The following CFAP126 variants were observed in gnomAD, a reference collection of about 807,000 sequenced individuals.
CFAP126 encodes cilia and flagella associated protein 126.
Under a neutral mutation model 17.1 loss-of-function variants are expected in CFAP126, and 21 were observed. The observed-to-expected ratio is 1.23, with a 90% CI of 0.87 to 1.77. The LOEUF (loss-of-function observed/expected upper bound fraction) is 1.77, where lower values mean the gene tolerates loss of function less well. Ranked by LOEUF, CFAP126 falls within the 40% of genes most tolerant of loss-of-function variation. CFAP126 has a pLI of 0.00. For missense variants in CFAP126, 174 were observed against 215.4 expected, an observed-to-expected ratio of 0.81 and a Z score of 1.20; for synonymous variants, 65 against 73.5, an observed-to-expected ratio of 0.88 and a Z score of 0.59.
rs189889883 is a variant in CFAP126 at position 161,366,618 on chromosome 1, T to C, written c.28-117A>G. 1,088 of 896,134 alleles carry C rather than the reference T, an allele frequency of 1.2e-3. 15 individuals carry two copies. The Admixed American group carries it at 0.018, about 15-fold the overall frequency. 55.5% of individuals were successfully genotyped at this position (896,134 alleles called of 1,614,324 possible). On this transcript the variant is annotated intron_variant, in intron 1 of 4. Coordinates refer to ENST00000367974, the MANE Select transcript of CFAP126 (RefSeq NM_001013625.4). ...AAAGGCCTGACCAACCATGTAGGCT[T>C]TAAGTCACTATGACAAGGGTGTAAT...
rs200300839 is a variant in CFAP126 at position 161,366,528 on chromosome 1, A to G, written c.28-27T>C. On this transcript the variant is annotated intron_variant, in intron 1 of 4. Coordinates refer to ENST00000367974, the MANE Select transcript of CFAP126 (RefSeq NM_001013625.4). The stretch of plus-strand genomic sequence containing the variant: ...TGTGGAGAGAAAGATAAGTAGCCCT[A>G]TGAGACTTCAAGGCCCCAAACCCAG... 7.5e-6 allele frequency: 12 copies of G among 1,606,914 alleles called. No homozygotes were observed. The African/African-American group carries it at 1.3e-4, about 18-fold the overall frequency.
chr1:161,365,345 G>A (rs1042262974), intron 4 of CFAP126, 181 bp downstream of exon 4: 2 of 894,638 alleles, frequency 2.2e-6, no homozygotes, highest in Admixed American at 2.5e-5. Flanking sequence ...TACTGTTGGG[G>A]GTATGATGTC....
intron 3 of CFAP126, 72 bp from the exon 4 acceptor site, chr1:161,365,774 C>T (rs899222096): frequency 3.8e-6 from 5 of 1,304,138 alleles, no homozygotes; most frequent in South Asian, 2.9e-5. Context: ...TGTATTATTT[C>T]CTTTCTTTAC....
Position 161,366,499 on chromosome 1 carries a change from A to T in CFAP126, c.30T>A (p.Tyr10Ter), listed in dbSNP as rs78888650. The T allele has an allele frequency of 1.9e-6, 3 of 1,613,998 alleles. No homozygotes were observed. In the South Asian group the frequency reaches 3.3e-5, roughly 18 times the overall value. ...GATACTTGGATGAGAAAGCCTTTTC[A>T]TACTGTGGAGAGAAAGATAAGTAGC... Reference protein sequence around the residue: MATNYSANQYEKAFSSKYLQ... With the variant: MATNYSANQ Residue 10 changes from tyrosine (Y) to a stop codon, truncating the protein, a stop_gained and splice_region_variant, in exon 2 of 5, where the codon TAT becomes TAA. Transcript: ENST00000367974. LOFTEE classifies it high-confidence loss of function.
intron 4 of CFAP126, 134 bp from the exon 5 acceptor site, chr1:161,365,284 A>C (rs1295175031): frequency 9.6e-7 from 1 of 1,044,208 alleles, no homozygotes; most frequent in African/African-American, 1.6e-5. Flanking sequence ...AAGAAAAGTT[A>C]AATTTGATTT....
rs1051779187 is a variant in CFAP126 at position 161,365,063 on chromosome 1, T to A, written c.436A>T (p.Ser146Cys). 4 of 1,614,122 alleles carry A rather than the reference T, an allele frequency of 2.5e-6. No individual in the cohort carries two copies. The African/African-American group carries it at 4.0e-5, about 16-fold the overall frequency. ...QQARSPTIIP[S>C]SPAANLNSPD... ...GAATTGAGGTTGGCAGCTGGGGAGC[T>A]TGGAATTATGGTTGGACTTCGTGCT... The change falls in exon 5 of 5, where the codon AGC becomes TGC. Residue 146 changes from serine to cysteine, a missense_variant. Transcript: ENST00000367974.
Position 161,366,504 on chromosome 1 carries a change from G to A in CFAP126, c.28-3C>T, listed in dbSNP as rs776003617. The A allele has an allele frequency of 6.2e-7, 1 of 1,613,630 alleles. No individual in the cohort carries two copies. The highest frequency in any genetic ancestry group is 1.3e-5 in the African/African-American group (1 of 75,028). ...TTGGATGAGAAAGCCTTTTCATACT[G>A]TGGAGAGAAAGATAAGTAGCCCTAT... On this transcript the variant is annotated splice_region_variant and splice_polypyrimidine_tract_variant and intron_variant, in intron 1 of 4. Coordinates refer to ENST00000367974, the MANE Select transcript of CFAP126 (RefSeq NM_001013625.4).
rs1304023808 is a variant in CFAP126 at position 161,366,291 on chromosome 1, T to A, written c.91-13A>T. On this transcript the variant is annotated splice_polypyrimidine_tract_variant and intron_variant, in intron 2 of 4. Transcript: ENST00000367974. Reference sequence around the variant, plus strand: ...GAGAAGAGATGCTCTGGGGTACAAGTGGGAGAGATAAAGGTTTGTGAGGGG... The same window carrying A: ...GAGAAGAGATGCTCTGGGGTACAAGAGGGAGAGATAAAGGTTTGTGAGGGG... 6.2e-7 allele frequency: 1 copy of A among 1,609,132 alleles called. No homozygotes were observed. The highest frequency in any genetic ancestry group is 1.1e-5 in the South Asian group (1 of 90,954).
chr1:161,365,833 A>G, intron 3 of CFAP126, 131 bp from the exon 4 acceptor site: 1 of 884,364 alleles, frequency 1.1e-6, no homozygotes, highest in Non-Finnish European at 1.7e-6. Context: ...TAATCTTCCC[A>G]CCCTTCCTTA....
In CFAP126 at chr1:161,365,108, T is replaced by C. The variant is rs776561371; in HGVS notation, c.391A>G (p.Ile131Val). ...DSQKKLRKKSITKTVQQARSP... is the reference protein window; with the variant it reads ...DSQKKLRKKSVTKTVQQARSP... ...CGTGCTTGTTGTACAGTCTTTGTGATAGACTTCTTTCTGAGTTTCTTCTGA... is the reference window on the plus strand; with the variant it reads ...CGTGCTTGTTGTACAGTCTTTGTGACAGACTTCTTTCTGAGTTTCTTCTGA... The change falls in exon 5 of 5, where the codon ATC (isoleucine) becomes GTC (valine). Residue 131 changes from isoleucine (I) to valine (V), a missense_variant. Coordinates refer to ENST00000367974, the MANE Select transcript of CFAP126 (RefSeq NM_001013625.4). 2 of 1,614,178 alleles carry C rather than the reference T, an allele frequency of 1.2e-6. No homozygotes were observed. Among genetic ancestry groups the C allele is most frequent in the Admixed American group, 3.3e-5 (2 of 60,028 alleles).
Position 161,367,853 on chromosome 1 carries a change from T to C in CFAP126, c.16A>G (p.Ser6Gly). Residue 6 changes from serine to glycine, a missense_variant, in exon 1 of 5, where the codon AGT becomes GGT. By Grantham distance (56) the Ser-to-Gly change is moderately conservative. Transcript: ENST00000367974. ...GAATGGGAACTTACCTGGTTGGCAC[T>C]GTAGTTAGTGGCCATGATCTTGTGC... is the stretch of plus-strand genomic sequence containing the variant. MATNYSANQYEKAFSS... is the reference protein window; with the variant it reads MATNYGANQYEKAFSS... 1 of 1,614,086 alleles carries C rather than the reference T, an allele frequency of 6.2e-7. No individual in the cohort carries two copies. Among genetic ancestry groups the C allele is most frequent in the Non-Finnish European group, 8.5e-7 (1 of 1,179,928 alleles).
chr1:161,365,353 G>T, intron 4 of CFAP126, 173 bp downstream of exon 4: 1 of 918,256 alleles, frequency 1.1e-6, no homozygotes, highest in Non-Finnish European at 1.7e-6. Flanking sequence ...GGGGTATGAT[G>T]TCCTTAGCCC....
At chr1:161,367,248 G>C (rs4585997) in intron 1 of CFAP126, 17,831 of 151,984 alleles carry the variant, frequency 0.12, 1,421 homozygotes, top group African/African-American at 0.22. Context: ...ACATTTGTGG[G>C]TCGCACTCTT....
Position 161,365,992 on chromosome 1 carries a change from T to C in CFAP126, c.171+206A>G, listed in dbSNP as rs1672716994. 5 of 617,130 alleles carry C rather than the reference T, an allele frequency of 8.1e-6. No individual in the cohort carries two copies. In the Admixed American group the frequency reaches 1.2e-4, roughly 14 times the overall value. The allele number at this position is 617,130 out of a possible 1,614,324, so 38.2% of individuals were successfully genotyped here. A position where few individuals can be genotyped will look rare whatever the true frequency, so the allele number is the denominator to read the frequency against. On this transcript the variant is annotated intron_variant, in intron 3 of 4. Transcript: ENST00000367974. ...TGAAGGCTTTCATTTATACAGATCA[T>C]TGATCAATTTAAGAACTTCTGAAGG... is the stretch of plus-strand genomic sequence containing the variant.
In CFAP126 at chr1:161,364,960, G is replaced by T; in HGVS notation, c.*5C>A. Reference sequence around the variant, plus strand: ...TCTAGCATACGTGGACTTCCAGGTGGGCTCTTAGGATTTGGCTGGTCTTTG... The same window carrying T: ...TCTAGCATACGTGGACTTCCAGGTGTGCTCTTAGGATTTGGCTGGTCTTTG... On this transcript the variant is annotated 3_prime_UTR_variant, in exon 5 of 5. Coordinates refer to ENST00000367974, the MANE Select transcript of CFAP126 (RefSeq NM_001013625.4). 1 of 1,613,336 alleles carries T rather than the reference G, an allele frequency of 6.2e-7. No individual in the cohort carries two copies.
At position 161,365,635 on chromosome 1, in the gene CFAP126, G is replaced by T; in HGVS notation, c.239C>A (p.Thr80Asn). Residue 80 changes from threonine (T) to asparagine (N), a missense_variant, in exon 4 of 5, where the codon ACC becomes AAC. Thr to Asn is a moderately conservative substitution (Grantham distance 65). Transcript: ENST00000367974. ...MPLKIPPARV[T>N]LTSRTTAGAA... ...ACCAGCAGTTGTACGGGAGGTCAGG[G>T]TCACCCGAGCAGGGGGTATCTTCAG... is the stretch of plus-strand genomic sequence containing the variant. The T allele has an allele frequency of 6.2e-7, 1 of 1,614,054 alleles. No homozygotes were observed. Among genetic ancestry groups the T allele is most frequent in the Non-Finnish European group, 8.5e-7 (1 of 1,179,976 alleles).
Position 161,366,125 on chromosome 1 carries a change from A to G in CFAP126, c.171+73T>C, listed in dbSNP as rs545004216. On this transcript the variant is annotated intron_variant, in intron 3 of 4. Transcript: ENST00000367974. Reference sequence around the variant, plus strand: ...TTTAATTTTCCCGATAATGGCTGTGAGAGACTGCACATCTCCCAGTTCTGT... The same window carrying G: ...TTTAATTTTCCCGATAATGGCTGTGGGAGACTGCACATCTCCCAGTTCTGT... 158 of 1,213,916 alleles carry G rather than the reference A, an allele frequency of 1.3e-4. No individual in the cohort carries two copies. In the African/African-American group the frequency reaches 2.1e-3, roughly 16 times the overall value. 75.2% of individuals were successfully genotyped at this position (1,213,916 alleles called of 1,614,324 possible).
rs752422341 is a variant in CFAP126 at position 161,365,535 on chromosome 1, G to A, written c.339C>T (p.Ile113=). ...TGGGAAGAATAGATACCTTGCCTAA[G>A]ATTTCAGGACACAGCCCATTGGAGG... ...LKASNGLCPE[I]LGKPHDPDSQ... The change falls in exon 4 of 5, where the codon ATC becomes ATT. Residue 113 remains isoleucine, a synonymous_variant. Transcript: ENST00000367974. 1 of 1,614,196 alleles carries A rather than the reference G, an allele frequency of 6.2e-7. No individual in the cohort carries two copies. The highest frequency in any genetic ancestry group is 8.5e-7 in the Non-Finnish European group (1 of 1,180,020).
At chr1:161,365,414 T>C (rs543608336) in intron 4 of CFAP126, 112 bp downstream of exon 4, 33 of 1,296,788 alleles carry the variant, frequency 2.5e-5, no homozygotes, top group Admixed American at 1.5e-4. Context: ...ATAAGACAAA[T>C]TGGTTAGAGG....
Sources: gnomAD v4.1 joint callset for allele counts on GRCh38, gnomAD v4.1.1 for gene constraint, MANE v1.5 for transcripts, NCBI Gene and HGNC (gene_info 2026-07-23, HGNC 2026-07-21) for gene names.